The following XRN1 variants were observed in gnomAD, a reference collection of about 807,000 sequenced individuals.
The protein encoded by XRN1 is strand-exchange protein 1 homolog.
A neutral mutation model predicts 222.3 loss-of-function variants in XRN1; 67 were observed. The ratio of observed to expected loss-of-function variants is 0.30; its 90% CI spans 0.25 to 0.37. XRN1 has a LOEUF of 0.37. Ranked by LOEUF, XRN1 falls within the 10% of genes least tolerant of loss-of-function variation. XRN1 has a pLI of 1.00. For synonymous variants in XRN1, 643 were observed against 652.4 expected (o/e 0.99, Z 0.22); for missense variants, 1,707 against 2,000.2 (o/e 0.85, Z 2.80).
At chr3:142,433,339 C>T (rs931241658) in intron 1 of XRN1, among the ~76,000 whole-genome samples, 2 of 152,066 alleles carry the variant, frequency 1.3e-5, no homozygotes, top group Non-Finnish European at 2.9e-5. Flanking sequence ...GATGTAAAGC[C>T]TAATTGTATA....
At chr3:142,323,847 G>A (rs1199709933) in intron 37 of XRN1, among the ~76,000 whole-genome samples, 2 of 150,256 alleles carry the variant, frequency 1.3e-5, no homozygotes, top group African/African-American at 4.9e-5. Flanking sequence ...AATTTTTTAA[G>A]TAGTTAATAT....
At chr3:142,315,459 T>TA (rs933940704) in intron 39 of XRN1, among the ~76,000 whole-genome samples, 8 of 151,124 alleles carry the variant, frequency 5.3e-5, no homozygotes, top group Non-Finnish European at 8.8e-5. Context: ...CAAATTACAT[T>TA]AAAAAAAATC....
intron 2 of XRN1, among the ~76,000 whole-genome samples, chr3:142,432,162 TATAA>T (rs937483557): frequency 8.8e-5 from 11 of 124,606 alleles, no homozygotes; most frequent in East Asian, 6.5e-4. Context: ...ATAATTTATA[TATAA>T]ATATATAAAA....
chr3:142,324,240 T>TC (rs1213167760), intron 37 of XRN1, among the ~76,000 whole-genome samples: 5 of 81,002 alleles, frequency 6.2e-5, no homozygotes, highest in African/African-American at 2.5e-4. Flanking sequence ...ATGCTATCCC[T>TC]CCCCCCTCCC....
chr3:142,387,379 T>C (rs990757453), intron 20 of XRN1, among the ~76,000 whole-genome samples: 1 of 152,216 alleles, frequency 6.6e-6, no homozygotes, highest in African/African-American at 2.4e-5. Flanking sequence ...CCTTGGATTA[T>C]GGTAATATTC....
intron 20 of XRN1, among the ~76,000 whole-genome samples, chr3:142,387,563 A>G (rs368541108): frequency 6.6e-6 from 1 of 152,216 alleles, no homozygotes; most frequent in East Asian, 1.9e-4. Context: ...AGTGAGTCAC[A>G]TGAATTTTTC....
chr3:142,397,481 T>G (rs776278493), intron 19 of XRN1, 21 bp from the exon 20 acceptor site: 1 of 1,561,386 alleles, frequency 6.4e-7, no homozygotes, highest in East Asian at 2.3e-5. Flanking sequence ...AAAATAAAAA[T>G]TATATAACCA....
In XRN1 at chr3:142,387,106, T is replaced by TA. The variant is rs1431745837; in HGVS notation, c.2340-2422dup. 7.6e-4 allele frequency among the ~76,000 whole-genome samples: 116 copies of TA among 152,332 alleles called. 1 individual carries two copies. Among genetic ancestry groups the TA allele is most frequent in the Non-Finnish European group, 2.2e-4 (15 of 68,028 alleles). ...ACTGTAGAATGGAAAAATTGTGCTG[T>TA]ATTCATACAATGTAATAGTATCATT... On this transcript the variant is annotated intron_variant, in intron 20 of 40. Transcript: ENST00000392981.
At chr3:142,428,252 C>T (rs373019976) in intron 2 of XRN1, among the ~76,000 whole-genome samples, 7 of 151,756 alleles carry the variant, frequency 4.6e-5, no homozygotes, top group South Asian at 4.2e-4. Context: ...AAGAATTAGC[C>T]GGGTGTGGTG....
chr3:142,412,753 A>G, intron 14 of XRN1, 90 bp from the exon 15 acceptor site: 1 of 1,116,390 alleles, frequency 9.0e-7, no homozygotes, highest in Non-Finnish European at 1.2e-6. Flanking sequence ...TCCTCATGTT[A>G]GTTTAAAATT....
chr3:142,345,597 T>A (rs2066123406), intron 33 of XRN1, among the ~76,000 whole-genome samples: 1 of 151,928 alleles, frequency 6.6e-6, no homozygotes, highest in African/African-American at 2.4e-5. Context: ...CAATAGAGTA[T>A]AAAGAAAGTT....
chr3:142,408,685 C>T lies in XRN1; in HGVS notation c.1714-3609G>A, dbSNP rs531626587. Among the ~76,000 whole-genome samples the T allele has an allele frequency of 4.6e-5, 7 of 152,176 alleles. No individual in the cohort carries two copies. In the South Asian group the frequency reaches 1.4e-3, roughly 31 times the overall value. ...TTGTACAAAACATTTTTTAAACATACTTTCCCCTCCTCTTGGTAAATATCT... is the reference window on the plus strand; with the variant it reads ...TTGTACAAAACATTTTTTAAACATATTTTCCCCTCCTCTTGGTAAATATCT... On this transcript the variant is annotated intron_variant, in intron 15 of 40. Coordinates refer to ENST00000392981, the MANE Select transcript of XRN1 (RefSeq NM_001282857.2).
In XRN1 at chr3:142,386,911, A is replaced by C. The variant is rs189220920; in HGVS notation, c.2340-2226T>G. ...GCGTAAATTGATACAAAGAGTTTGCAAACCTTTTTGGTAGTATCTGTTCAA... is the reference window on the plus strand; with the variant it reads ...GCGTAAATTGATACAAAGAGTTTGCCAACCTTTTTGGTAGTATCTGTTCAA... On this transcript the variant is annotated intron_variant, in intron 20 of 40. Transcript: ENST00000392981. Among the ~76,000 whole-genome samples, 145 of 152,288 alleles carry C rather than the reference A, an allele frequency of 9.5e-4. 1 individual carries two copies. The highest frequency in any genetic ancestry group is 3.4e-3 in the African/African-American group (143 of 41,576).
At chr3:142,390,699 A>G (rs2067681389) in intron 20 of XRN1, among the ~76,000 whole-genome samples, 1 of 152,150 alleles carries the variant, frequency 6.6e-6, no homozygotes, top group Non-Finnish European at 1.5e-5. Context: ...AGCACTTTTG[A>G]TTTCCTTCAA....
At chr3:142,316,696 C>G (rs370863617) in intron 39 of XRN1, among the ~76,000 whole-genome samples, 11 of 152,250 alleles carry the variant, frequency 7.2e-5, no homozygotes, top group African/African-American at 2.6e-4. Flanking sequence ...ACTACATCTA[C>G]AATTTGTTAT....
At chr3:142,436,082 A>AAAAATT (rs1553745772) in intron 1 of XRN1, 4 of 118,416 alleles carry the variant, frequency 3.4e-5, no homozygotes, top group African/African-American at 1.4e-4. Flanking sequence ...AAAAAAAAAA[A>AAAAATT]TTTAAAGCAA....
rs1439568781 is a variant in XRN1 at position 142,311,602 on chromosome 3, A to G, written c.4994T>C (p.Ile1665Thr). Residue 1665 changes from isoleucine (I) to threonine (T), a missense_variant, in exon 41 of 41, where the codon ATA becomes ACA. By Grantham distance (89) the Ile-to-Thr change is moderately conservative. Coordinates refer to ENST00000392981, the MANE Select transcript of XRN1 (RefSeq NM_001282857.2). ...QVETASQGHS[I>T]SHHKSTPISS... Reference sequence around the variant, plus strand: ...GATTGGTGTTGACTTATGGTGAGATATACTATGGCCTTGAGAGGCAGTTTC... The same window carrying G: ...GATTGGTGTTGACTTATGGTGAGATGTACTATGGCCTTGAGAGGCAGTTTC... The G allele has an allele frequency of 1.2e-6, 2 of 1,614,052 alleles. No individual in the cohort carries two copies. Among genetic ancestry groups the G allele is most frequent in the African/African-American group, 2.7e-5 (2 of 74,930 alleles).
chr3:142,418,523 C>T lies in XRN1; in HGVS notation c.1327G>A (p.Gly443Arg). The change falls in exon 12 of 41, where the codon GGG becomes AGG. Residue 443 changes from glycine to arginine, a missense_variant. By Grantham distance (125) the Gly-to-Arg change is moderately radical. Transcript: ENST00000392981. ...YKRTYYMTKMGVDVVSDDFLA... is the reference protein window; with the variant it reads ...YKRTYYMTKMRVDVVSDDFLA... ...ACGTACTCAGATACTACGTCAACCC[C>T]CATCTTCGTCATGTAATATGTTCTT... is the stretch of plus-strand genomic sequence containing the variant. 6.2e-7 allele frequency: 1 copy of T among 1,610,994 alleles called. No homozygotes were observed. Among genetic ancestry groups the T allele is most frequent in the Non-Finnish European group, 8.5e-7 (1 of 1,178,802 alleles).
chr3:142,404,167 T>C (rs2068252577), intron 16 of XRN1, among the ~76,000 whole-genome samples, 178 bp from the exon 17 acceptor site: 1 of 152,118 alleles, frequency 6.6e-6, no homozygotes, highest in Non-Finnish European at 1.5e-5. Flanking sequence ...GTTACTGGTC[T>C]AGACACAATC....
Sources: gnomAD v4.1 joint callset for allele counts (sites outside exome capture counted in the v4.1 genomes callset) on GRCh38, gnomAD v4.1.1 for gene constraint, MANE v1.5 for transcripts, NCBI Gene and HGNC (gene_info 2026-07-23, HGNC 2026-07-21) for gene names.